EPHA5: variants seen among roughly 807,000 people sequenced by gnomAD.
The protein encoded by EPHA5 is EPH receptor A5, also known as ephrin type-A receptor 5.
EPHA5 carries 60 observed loss-of-function variants against 105.0 expected under a neutral mutation model. The ratio of observed to expected loss-of-function variants is 0.57; its 90% CI spans 0.46 to 0.71. The LOEUF (loss-of-function observed/expected upper bound fraction) is 0.71. EPHA5 is among the 30% of genes least tolerant of loss of function. The pLI is 0.00. For missense variants in EPHA5, 1,218 were observed against 1,274.7 expected, an observed-to-expected ratio of 0.96 and a Z score of 0.68; for synonymous variants, 513 against 449.1, an observed-to-expected ratio of 1.14 and a Z score of -1.80.
intron 2 of EPHA5, among the ~76,000 whole-genome samples, chr4:65,623,735 A>G (rs1355022657): frequency 6.6e-6 from 1 of 152,170 alleles, no homozygotes; most frequent in South Asian, 2.1e-4. Context: ...GCCTCATGAC[A>G]TAATGGTAAC....
At chr4:65,576,833 A>T (rs1354527238) in intron 3 of EPHA5, among the ~76,000 whole-genome samples, 1 of 152,176 alleles carries the variant, frequency 6.6e-6, no homozygotes, top group Non-Finnish European at 1.5e-5. Context: ...ACAAGTTAGG[A>T]CAGGTGGTCA....
chr4:65,662,146 G>A (rs551421346), intron 1 of EPHA5, among the ~76,000 whole-genome samples: 39 of 152,080 alleles, frequency 2.6e-4, no homozygotes, highest in Admixed American at 1.4e-3. Context: ...AGGATGGGAA[G>A]AGACATGACA....
chr4:65,383,747 A>G (rs1471541185), intron 8 of EPHA5, among the ~76,000 whole-genome samples: 1 of 151,802 alleles, frequency 6.6e-6, no homozygotes, highest in Non-Finnish European at 1.5e-5. Flanking sequence ...AGACACTTGG[A>G]CATCTCTTCT....
chr4:65,643,294 C>A (rs920259913), intron 2 of EPHA5, 69 bp downstream of exon 2: 1 of 1,229,126 alleles, frequency 8.1e-7, no homozygotes, highest in Non-Finnish European at 1.2e-6. Flanking sequence ...CATATTCATT[C>A]CTGTGTTACA....
intron 5 of EPHA5, among the ~76,000 whole-genome samples, chr4:65,484,985 T>C (rs1267200248): frequency 2.0e-5 from 3 of 151,860 alleles, no homozygotes; most frequent in Non-Finnish European, 1.5e-5. Context: ...AAATATTATT[T>C]GGCAAAGAAA....
chr4:65,508,589 T>C (rs1220835993), intron 3 of EPHA5, among the ~76,000 whole-genome samples: 1 of 152,136 alleles, frequency 6.6e-6, no homozygotes, highest in East Asian at 1.9e-4. Context: ...GAATAAAGAA[T>C]AAAACCATTA....
intron 3 of EPHA5, among the ~76,000 whole-genome samples, chr4:65,596,317 TG>T (rs1377080015): frequency 6.6e-6 from 1 of 151,536 alleles, no homozygotes; most frequent in Non-Finnish European, 1.5e-5. Context: ...AAATGGGGAG[TG>T]GGGTGTCCTA....
intron 6 of EPHA5, among the ~76,000 whole-genome samples, chr4:65,415,187 G>T (rs1228764175): frequency 6.6e-6 from 1 of 152,096 alleles, no homozygotes; most frequent in African/African-American, 2.4e-5. Context: ...TTATCTCTGT[G>T]AAGTTACCAC....
At chr4:65,371,383 C>T (rs1718454475) in intron 8 of EPHA5, among the ~76,000 whole-genome samples, 1 of 151,938 alleles carries the variant, frequency 6.6e-6, no homozygotes, top group Non-Finnish European at 1.5e-5. Flanking sequence ...GACCTTATGG[C>T]TTATTTAGAA....
chr4:65,539,448 T>C (rs942135073), intron 3 of EPHA5, among the ~76,000 whole-genome samples: 1 of 151,630 alleles, frequency 6.6e-6, no homozygotes, highest in African/African-American at 2.4e-5. Flanking sequence ...CCTTCTTTAA[T>C]TGTTTTTAAG....
chr4:65,333,991 G>T (rs1319099630), intron 15 of EPHA5, among the ~76,000 whole-genome samples: 1 of 151,550 alleles, frequency 6.6e-6, no homozygotes, highest in African/African-American at 2.4e-5. Context: ...ATATTGTACA[G>T]CCGACCACTT....
intron 2 of EPHA5, among the ~76,000 whole-genome samples, chr4:65,613,089 G>T (rs13125077): frequency 6.6e-6 from 1 of 151,594 alleles, no homozygotes; most frequent in African/African-American, 2.4e-5. Flanking sequence ...ATTTTTCTGC[G>T]TATAGCAATC....
At chr4:65,402,008 C>T (rs1721889020) in intron 8 of EPHA5, among the ~76,000 whole-genome samples, 1 of 152,012 alleles carries the variant, frequency 6.6e-6, no homozygotes, top group Non-Finnish European at 1.5e-5. Context: ...CCCATAATCC[C>T]CACATGTCAA....
intron 2 of EPHA5, among the ~76,000 whole-genome samples, chr4:65,613,242 T>G (rs576944965): frequency 6.6e-6 from 1 of 152,262 alleles, no homozygotes; most frequent in South Asian, 2.1e-4. Context: ...TCTGTCTATT[T>G]TTATGCCTGT....
intron 1 of EPHA5, among the ~76,000 whole-genome samples, chr4:65,650,391 CAA>C (rs11345574): frequency 0.41 from 55,641 of 136,516 alleles, 11,448 homozygotes; most frequent in Middle Eastern, 0.54. Flanking sequence ...ACTAAACATA[CAA>C]AAAAAAAAAA....
intron 5 of EPHA5, among the ~76,000 whole-genome samples, chr4:65,451,119 C>T (rs1727024660): frequency 1.3e-5 from 2 of 152,100 alleles, no homozygotes; most frequent in Non-Finnish European, 2.9e-5. Flanking sequence ...ATAAAGCTGC[C>T]TCACAGAACA....
chr4:65,525,080 C>T (rs1228836891), intron 3 of EPHA5, among the ~76,000 whole-genome samples: 1 of 151,456 alleles, frequency 6.6e-6, no homozygotes, highest in Non-Finnish European at 1.5e-5. Flanking sequence ...ATATCTCATG[C>T]CTTAAGAAAA....
chr4:65,664,630 T>C (rs1028874889), intron 1 of EPHA5, among the ~76,000 whole-genome samples: 3 of 151,952 alleles, frequency 2.0e-5, no homozygotes, highest in African/African-American at 7.2e-5. Flanking sequence ...CCCTTATCTA[T>C]CCTATGAATT....
intron 7 of EPHA5, among the ~76,000 whole-genome samples, chr4:65,406,561 C>T (rs902439250): frequency 3.9e-5 from 6 of 151,932 alleles, no homozygotes; most frequent in Non-Finnish European, 7.4e-5. Flanking sequence ...CACTCCTGAC[C>T]CTTCTCACTT....
Sources: gnomAD v4.1 joint callset for allele counts (sites outside exome capture counted in the v4.1 genomes callset) on GRCh38, gnomAD v4.1.1 for gene constraint, MANE v1.5 for transcripts, NCBI Gene and HGNC (gene_info 2026-07-23, HGNC 2026-07-21) for gene names.